ERP27: variants seen among roughly 807,000 people sequenced by gnomAD.
ERP27 encodes endoplasmic reticulum resident protein 27.
ERP27 carries 23 observed loss-of-function variants against 27.7 expected under a neutral mutation model. The observed-to-expected ratio is 0.83, with a 90% CI of 0.60 to 1.18. The LOEUF (loss-of-function observed/expected upper bound fraction) is 1.18. ERP27 is among the 50% of genes most tolerant of loss of function. The pLI is 0.00. For synonymous variants in ERP27, 159 were observed against 118.3 expected (o/e 1.34, Z -2.23); for missense variants, 363 against 327.9 (o/e 1.11, Z -0.83).
chr12:14,919,891 T>C (rs1863473834), intron 4 of ERP27, among the ~76,000 whole-genome samples: 2 of 152,366 alleles, frequency 1.3e-5, no homozygotes, highest in East Asian at 1.9e-4. Context: ...TGTTATCAGT[T>C]GGATCTTGAA....
At position 14,937,843 on chromosome 12, in the gene ERP27, T is replaced by C. The variant is rs1863794185; in HGVS notation, c.195+109A>G. On this transcript the variant is annotated intron_variant, in intron 2 of 6. Coordinates refer to ENST00000266397, the MANE Select transcript of ERP27 (RefSeq NM_152321.4). The stretch of plus-strand genomic sequence containing the variant: ...AATCAAACTGGGTGGCTGTCTCCCT[T>C]TACCCCCACTTCTAATGCAGTGCCA... 5 of 829,690 alleles carry C rather than the reference T, an allele frequency of 6.0e-6. No individual in the cohort carries two copies. In the South Asian group the frequency reaches 8.2e-5, roughly 14 times the overall value. 51.4% of individuals were successfully genotyped at this position (829,690 alleles called of 1,614,324 possible).
At chr12:14,925,879 C>T (rs1863593708) in intron 3 of ERP27, among the ~76,000 whole-genome samples, 1 of 152,006 alleles carries the variant, frequency 6.6e-6, no homozygotes, top group African/African-American at 2.4e-5. Context: ...ACCATCCTGG[C>T]CAACATGATG....
chr12:14,918,488 C>A (rs1426634548), intron 4 of ERP27, among the ~76,000 whole-genome samples: 1 of 152,176 alleles, frequency 6.6e-6, no homozygotes, highest in Non-Finnish European at 1.5e-5. Flanking sequence ...GAGGGGAATC[C>A]ATGGCACTGG....
chr12:14,920,853 G>A, intron 4 of ERP27, 79 bp downstream of exon 4: 1 of 1,042,348 alleles, frequency 9.6e-7, no homozygotes, highest in South Asian at 1.4e-5. Flanking sequence ...ACTCTGGGAG[G>A]AAGAGACCTC....
intron 3 of ERP27, among the ~76,000 whole-genome samples, chr12:14,933,496 A>G (rs915089836): frequency 1.3e-5 from 2 of 152,190 alleles, no homozygotes; most frequent in South Asian, 2.1e-4. Context: ...TGATGGGGGC[A>G]TAAACTAGAT....
At chr12:14,924,935 C>T (rs542965815) in intron 3 of ERP27, among the ~76,000 whole-genome samples, 1 of 152,350 alleles carries the variant, frequency 6.6e-6, no homozygotes, top group South Asian at 2.1e-4. Flanking sequence ...CTGTTACCTT[C>T]CCACCAGCCC....
At position 14,919,649 on chromosome 12, in the gene ERP27, A is replaced by G. The variant is rs566717107; in HGVS notation, c.450+1283T>C. ...TTGAAGGCAGTGTAGGGCAATAGAC[A>G]ACCACAGGATTCAGTCACAGGCACC... On this transcript the variant is annotated intron_variant, in intron 4 of 6. Coordinates refer to ENST00000266397, the MANE Select transcript of ERP27 (RefSeq NM_152321.4). 3.3e-5 allele frequency among the ~76,000 whole-genome samples: 5 copies of G among 152,272 alleles called. No homozygotes were observed. The East Asian group carries it at 9.6e-4, about 29-fold the overall frequency.
At chr12:14,934,754 C>T in intron 3 of ERP27, 102 bp downstream of exon 3, 11 of 1,401,260 alleles carry the variant, frequency 7.9e-6, no homozygotes, top group Non-Finnish European at 1.1e-5. Context: ...TTGGTACCAT[C>T]ATTAGTGTAA....
At chr12:14,938,294 C>A in intron 1 of ERP27, 121 bp downstream of exon 1, 1 of 1,092,172 alleles carries the variant, frequency 9.2e-7, no homozygotes, top group Non-Finnish European at 1.4e-6. Context: ...TGCACTTATC[C>A]AGGATTTCCT....
rs1027572679 is a variant in ERP27 at position 14,933,662 on chromosome 12, A to AGTAAATTTCAGTTG, written c.333+1193_333+1194insCAACTGAAATTTAC. Reference sequence around the variant, plus strand: ...CTTTTCCATCAATTTACTCTTTTTCAGTGGACTCTTGATATTCCACCAACA... The same window carrying AGTAAATTTCAGTTG: ...CTTTTCCATCAATTTACTCTTTTTCAGTAAATTTCAGTTGGTGGACTCTTGATATTCCACCAACA... On this transcript the variant is annotated intron_variant, in intron 3 of 6. Transcript: ENST00000266397. Among the ~76,000 whole-genome samples, 5 of 152,338 alleles carry AGTAAATTTCAGTTG rather than the reference A, an allele frequency of 3.3e-5. No individual in the cohort carries two copies. In the South Asian group the frequency reaches 1.0e-3, roughly 32 times the overall value.
chr12:14,934,558 A>T lies in ERP27; in HGVS notation c.333+298T>A, dbSNP rs79860202. On this transcript the variant is annotated intron_variant, in intron 3 of 6. Transcript: ENST00000266397. ...TAATACAGTCTAACTCTTTTATTTT[A>T]TAAAGGAAAGAATTGGAGATAAAAA... Among the ~76,000 whole-genome samples, 349 of 152,294 alleles carry T rather than the reference A, an allele frequency of 2.3e-3. 8 individuals carry two copies. In the East Asian group the frequency reaches 0.056, roughly 24 times the overall value.
chr12:14,917,174 T>G lies in ERP27; in HGVS notation c.576+4A>C, dbSNP rs1863423030. 6.2e-7 allele frequency: 1 copy of G among 1,614,128 alleles called. No individual in the cohort carries two copies. Among genetic ancestry groups the G allele is most frequent in the African/African-American group, 1.3e-5 (1 of 75,064 alleles). The stretch of plus-strand genomic sequence containing the variant: ...GCAATAGGATATTCCCATTCTTGCC[T>G]TACCTTCCCCTGGAAGAGCTTGGCT... On this transcript the variant is annotated splice_donor_region_variant and intron_variant, in intron 5 of 6. Coordinates refer to ENST00000266397, the MANE Select transcript of ERP27 (RefSeq NM_152321.4).
At chr12:14,923,417 A>G (rs956593833) in intron 3 of ERP27, among the ~76,000 whole-genome samples, 23 of 151,302 alleles carry the variant, frequency 1.5e-4, no homozygotes, top group East Asian at 1.9e-4. Context: ...ACCACTATAT[A>G]TATAATTTGT....
Position 14,938,497 on chromosome 12 carries a change from G to C in ERP27, c.12C>G (p.Ala4=), listed in dbSNP as rs754360287. The C allele has an allele frequency of 8.7e-6, 14 of 1,611,780 alleles. No homozygotes were observed. The South Asian group carries it at 1.2e-4, about 14-fold the overall frequency. The change falls in exon 1 of 7, where the codon GCC becomes GCG. Residue 4 remains alanine (A), a synonymous_variant. Coordinates refer to ENST00000266397, the MANE Select transcript of ERP27 (RefSeq NM_152321.4). Reference sequence around the variant, plus strand: ...ATAAGAGGAACATGAACCTGGACGGGGCAGCTTCCATTGTCCCTCTCCTGC... The same window carrying C: ...ATAAGAGGAACATGAACCTGGACGGCGCAGCTTCCATTGTCCCTCTCCTGC... The part of the protein sequence containing the change: MEA[A]PSRFMFLLFL...
chr12:14,933,071 C>A (rs1032116176), intron 3 of ERP27, among the ~76,000 whole-genome samples: 2 of 151,496 alleles, frequency 1.3e-5, no homozygotes, highest in African/African-American at 4.9e-5. Flanking sequence ...TTAAGAAGAA[C>A]ATATTCATTC....
At chr12:14,936,213 A>G (rs1046651639) in intron 2 of ERP27, among the ~76,000 whole-genome samples, 2 of 152,228 alleles carry the variant, frequency 1.3e-5, no homozygotes, top group Non-Finnish European at 2.9e-5. Context: ...AAGAAAAATA[A>G]AACAATTAAA....
intron 3 of ERP27, among the ~76,000 whole-genome samples, chr12:14,933,280 G>A (rs1360502598): frequency 1.3e-5 from 2 of 152,114 alleles, no homozygotes; most frequent in African/African-American, 2.4e-5. Context: ...AGGAAGAGAA[G>A]GTCTCAAAGA....
Position 14,926,065 on chromosome 12 carries a change from T to G in ERP27, c.334-5017A>C, listed in dbSNP as rs569424638. Among the ~76,000 whole-genome samples, 4 of 147,258 alleles carry G rather than the reference T, an allele frequency of 2.7e-5. No individual in the cohort carries two copies. In the South Asian group the frequency reaches 8.5e-4, roughly 31 times the overall value. ...GCCTGGGCAACAGAGCAAGACTCTGTCTCCAAAAAAAAAAAAGGTGTTAAA... is the reference window on the plus strand; with the variant it reads ...GCCTGGGCAACAGAGCAAGACTCTGGCTCCAAAAAAAAAAAAGGTGTTAAA... On this transcript the variant is annotated intron_variant, in intron 3 of 6. Coordinates refer to ENST00000266397, the MANE Select transcript of ERP27 (RefSeq NM_152321.4).
At chr12:14,922,071 G>A (rs1863512717) in intron 3 of ERP27, among the ~76,000 whole-genome samples, 1 of 151,964 alleles carries the variant, frequency 6.6e-6, no homozygotes, top group Admixed American at 6.6e-5. Flanking sequence ...ATGAACATTG[G>A]TTGTTTCTAG....
Sources: gnomAD v4.1 joint callset for allele counts (sites outside exome capture counted in the v4.1 genomes callset) on GRCh38, gnomAD v4.1.1 for gene constraint, MANE v1.5 for transcripts, NCBI Gene and HGNC (gene_info 2026-07-23, HGNC 2026-07-21) for gene names.